Variants in IMMP1L observed in about 807,000 individuals in gnomAD.
IMMP1L encodes the protein mitochondrial inner membrane protease subunit 1.
A neutral mutation model predicts 21.8 loss-of-function variants in IMMP1L; 24 were observed. The observed-to-expected ratio is 1.10, with a 90% CI of 0.80 to 1.55. The LOEUF is 1.55. Ranked by LOEUF, IMMP1L falls within the 40% of genes most tolerant of loss-of-function variation. The pLI is 0.00. For synonymous variants in IMMP1L, 46 were observed against 62.8 expected (o/e 0.73, Z 1.26); for missense variants, 195 against 200.7 (o/e 0.97, Z 0.17).
At chr11:31,491,436 T>A (rs1468453443) in intron 1 of IMMP1L, among the ~76,000 whole-genome samples, 4 of 152,270 alleles carry the variant, frequency 2.6e-5, no homozygotes, top group African/African-American at 9.6e-5. Flanking sequence ...GCAGTCCTTG[T>A]TGTAAAGTGG....
At chr11:31,442,399 G>A (rs1953367015) in intron 4 of IMMP1L, among the ~76,000 whole-genome samples, 1 of 152,278 alleles carries the variant, frequency 6.6e-6, no homozygotes, top group South Asian at 2.1e-4. Flanking sequence ...GAAATCTGAT[G>A]AAACAGTCCA....
intron 1 of IMMP1L, among the ~76,000 whole-genome samples, chr11:31,470,488 A>G (rs1397332344): frequency 1.3e-5 from 2 of 152,128 alleles, no homozygotes; most frequent in Non-Finnish European, 2.9e-5. Flanking sequence ...AGTGAAGAGT[A>G]CATACATACA....
intron 4 of IMMP1L, among the ~76,000 whole-genome samples, chr11:31,448,222 T>C (rs1020409817): frequency 9.9e-5 from 15 of 152,280 alleles, no homozygotes; most frequent in African/African-American, 3.6e-4. Context: ...GGCAGGAGAA[T>C]TGCTTGAACC....
intron 4 of IMMP1L, among the ~76,000 whole-genome samples, chr11:31,437,940 A>G (rs909272031): frequency 6.6e-6 from 1 of 152,162 alleles, no homozygotes; most frequent in African/African-American, 2.4e-5. Flanking sequence ...TTTACTTCTG[A>G]GAAGTATTCC....
At chr11:31,473,755 G>T (rs1241666126) in intron 1 of IMMP1L, 2 of 985,140 alleles carry the variant, frequency 2.0e-6, no homozygotes, top group Admixed American at 6.1e-5. Flanking sequence ...GTCACAAGAA[G>T]TTGTCCACCT....
chr11:31,504,054 G>A (rs1323707243), intron 1 of IMMP1L, among the ~76,000 whole-genome samples: 4 of 152,104 alleles, frequency 2.6e-5, no homozygotes, highest in Non-Finnish European at 5.9e-5. Context: ...CTTTACCGCT[G>A]CCTCACACCA....
chr11:31,453,858 T>C (rs914495812), intron 4 of IMMP1L, among the ~76,000 whole-genome samples: 1 of 152,144 alleles, frequency 6.6e-6, no homozygotes, highest in African/African-American at 2.4e-5. Context: ...TTTGATGACA[T>C]AGGAACAGAA....
intron 1 of IMMP1L, among the ~76,000 whole-genome samples, chr11:31,499,380 A>G (rs568414348): frequency 6.6e-6 from 1 of 151,958 alleles, no homozygotes; most frequent in Non-Finnish European, 1.5e-5. Context: ...ACAAAACAAA[A>G]CAAAACAAAA....
chr11:31,460,545 A>G, intron 3 of IMMP1L, 81 bp downstream of exon 3: 1 of 766,416 alleles, frequency 1.3e-6, no homozygotes. Flanking sequence ...TTTTAAAGAT[A>G]AAGTTAAGGA....
At chr11:31,472,046 C>A (rs1473579698) in intron 1 of IMMP1L, among the ~76,000 whole-genome samples, 1 of 152,122 alleles carries the variant, frequency 6.6e-6, no homozygotes, top group African/African-American at 2.4e-5. Flanking sequence ...GTCACTTCTT[C>A]CTCTGTTTCT....
In IMMP1L at chr11:31,452,853, C is replaced by T. The variant is rs1174256575; in HGVS notation, c.321+3407G>A. On this transcript the variant is annotated intron_variant, in intron 4 of 5. Coordinates refer to ENST00000532287, the MANE Select transcript of IMMP1L (RefSeq NM_001304274.2). Reference sequence around the variant, plus strand: ...GCAACCTCCACCTCCCAGGTTGAAGCGATTCTCCTGCCTCAGCCTCCCAAG... The same window carrying T: ...GCAACCTCCACCTCCCAGGTTGAAGTGATTCTCCTGCCTCAGCCTCCCAAG... The T allele has an allele frequency of 3.0e-5, 20 of 676,222 alleles. No homozygotes were observed. The Admixed American group carries it at 8.5e-4, about 29-fold the overall frequency. 41.9% of individuals were successfully genotyped at this position (676,222 alleles called of 1,614,324 possible).
At chr11:31,498,244 C>T (rs1230128514) in intron 1 of IMMP1L, among the ~76,000 whole-genome samples, 1 of 152,032 alleles carries the variant, frequency 6.6e-6, no homozygotes, top group Non-Finnish European at 1.5e-5. Context: ...GAACCTTTCA[C>T]TTTGGGAAAT....
intron 1 of IMMP1L, among the ~76,000 whole-genome samples, chr11:31,483,204 A>T (rs146911777): frequency 8.6e-4 from 131 of 152,050 alleles, no homozygotes; most frequent in South Asian, 5.8e-3. Flanking sequence ...TGGAGTGCTG[A>T]CAATGTTCTT....
chr11:31,487,853 A>G (rs995906375), intron 1 of IMMP1L, among the ~76,000 whole-genome samples: 5 of 152,122 alleles, frequency 3.3e-5, no homozygotes, highest in Admixed American at 1.3e-4. Flanking sequence ...TTGAAACAAG[A>G]CTATCAGTAC....
intron 4 of IMMP1L, among the ~76,000 whole-genome samples, chr11:31,444,790 A>G (rs1953460567): frequency 2.0e-5 from 3 of 152,068 alleles, no homozygotes; most frequent in Admixed American, 1.3e-4. Flanking sequence ...GGGTTTCACT[A>G]TGCTGGTCTC....
At chr11:31,459,982 C>G (rs560463775) in intron 3 of IMMP1L, among the ~76,000 whole-genome samples, 1 of 152,064 alleles carries the variant, frequency 6.6e-6, no homozygotes, top group South Asian at 2.1e-4. Context: ...CATGGCGAAA[C>G]CCAGTCTCTA....
chr11:31,462,424 A>T (rs116458847), intron 2 of IMMP1L, among the ~76,000 whole-genome samples: 1,973 of 146,166 alleles, frequency 0.013, 39 homozygotes, highest in African/African-American at 0.045. Flanking sequence ...AACCTAATTT[A>T]AAAAAAAAAA....
intron 1 of IMMP1L, among the ~76,000 whole-genome samples, chr11:31,481,840 A>G (rs1277387250): frequency 6.6e-6 from 1 of 152,062 alleles, no homozygotes; most frequent in Non-Finnish European, 1.5e-5. Flanking sequence ...AAAAAAAGGT[A>G]TATTTAAAAT....
intron 2 of IMMP1L, among the ~76,000 whole-genome samples, chr11:31,461,483 T>A (rs1285561350): frequency 6.6e-6 from 1 of 152,176 alleles, no homozygotes; most frequent in Non-Finnish European, 1.5e-5. Context: ...ACAGGTTGAG[T>A]GTCCCTAATA....
Sources: allele counts gnomAD v4.1 joint callset (sites outside exome capture counted in the v4.1 genomes callset), GRCh38; gene constraint gnomAD v4.1.1; transcripts MANE v1.5; gene names NCBI Gene and HGNC (gene_info 2026-07-23, HGNC 2026-07-21).